The following ADCY5 variants were observed in gnomAD, a reference collection of about 807,000 sequenced individuals.
ADCY5 encodes adenylate cyclase 5, also known as adenylate cyclase type 5.
Under a neutral mutation model 119.7 loss-of-function variants are expected in ADCY5, and 30 were observed. That is an observed-to-expected ratio of 0.25 (90% confidence interval 0.19 to 0.34). The LOEUF is 0.34. Ranked by LOEUF, ADCY5 falls within the 10% of genes least tolerant of loss-of-function variation. The probability of loss-of-function intolerance (pLI) is 1.00; values close to 1 mark genes in which losing one functional copy is unlikely to be tolerated. For synonymous variants in ADCY5, 753 were observed against 762.2 expected (o/e 0.99, Z 0.20); for missense variants, 1,324 against 1,775.2 (o/e 0.75, Z 4.57).
At chr3:123,411,798 T>C (rs1276078757) in intron 1 of ADCY5, among the ~76,000 whole-genome samples, 1 of 152,142 alleles carries the variant, frequency 6.6e-6, no homozygotes, top group Non-Finnish European at 1.5e-5. Flanking sequence ...TGAGCTGACA[T>C]GTCAATACAG....
chr3:123,386,874 G>A (rs17295246), intron 1 of ADCY5, among the ~76,000 whole-genome samples: 28,526 of 152,068 alleles, frequency 0.19, 3,006 homozygotes, highest in Middle Eastern at 0.28. Flanking sequence ...TCTTAAGCCC[G>A]TCAGCGTGGA....
At chr3:123,362,787 C>T (rs1050019287) in intron 1 of ADCY5, among the ~76,000 whole-genome samples, 1 of 152,044 alleles carries the variant, frequency 6.6e-6, no homozygotes, top group Non-Finnish European at 1.5e-5. Flanking sequence ...AAAGAATATG[C>T]CAGAGGAAAT....
chr3:123,367,978 C>A, intron 1 of ADCY5: 1 of 1,524,082 alleles, frequency 6.6e-7, no homozygotes, highest in Non-Finnish European at 8.7e-7. Context: ...CAGCACTACA[C>A]AGGCTGCCCT....
chr3:123,322,857 C>T (rs1207332076), intron 8 of ADCY5, among the ~76,000 whole-genome samples: 1 of 152,200 alleles, frequency 6.6e-6, no homozygotes, highest in Non-Finnish European at 1.5e-5. Context: ...CTGACTCCGA[C>T]TTCAAACCTT....
intron 8 of ADCY5, among the ~76,000 whole-genome samples, chr3:123,322,855 G>A (rs910211718): frequency 2.0e-5 from 3 of 152,186 alleles, no homozygotes; most frequent in South Asian, 2.1e-4. Context: ...TGCTGACTCC[G>A]ACTTCAAACC....
chr3:123,340,693 T>G (rs1371477042), intron 3 of ADCY5, among the ~76,000 whole-genome samples: 1 of 152,120 alleles, frequency 6.6e-6, no homozygotes, highest in African/African-American at 2.4e-5. Flanking sequence ...TGTGGAGGAA[T>G]TCGAACCCTT....
At chr3:123,428,758 G>C (rs1327196882) in intron 1 of ADCY5, among the ~76,000 whole-genome samples, 1 of 152,160 alleles carries the variant, frequency 6.6e-6, no homozygotes, top group Non-Finnish European at 1.5e-5. Flanking sequence ...TTTGCGGGGG[G>C]TGCCTATTTG....
intron 19 of ADCY5, among the ~76,000 whole-genome samples, chr3:123,288,191 G>T (rs1045106605): frequency 6.6e-6 from 1 of 152,216 alleles, no homozygotes; most frequent in East Asian, 1.9e-4. Flanking sequence ...GGGAAAGCCC[G>T]ATTCCTGACA....
chr3:123,317,176 T>C (rs2108330359), intron 11 of ADCY5, among the ~76,000 whole-genome samples: 1 of 152,300 alleles, frequency 6.6e-6, no homozygotes, highest in South Asian at 2.1e-4. Flanking sequence ...GCCCACTGCA[T>C]ACTTCAAAGT....
Position 123,352,319 on chromosome 3 carries a change from G to T in ADCY5, c.1284+113C>A. 7.4e-7 allele frequency: 1 copy of T among 1,345,528 alleles called. No homozygotes were observed. The highest frequency in any genetic ancestry group is 9.9e-7 in the Non-Finnish European group (1 of 1,010,090). 83.3% of individuals were successfully genotyped at this position (1,345,528 alleles called of 1,614,324 possible). A position where few individuals can be genotyped will look rare whatever the true frequency, so the allele number is the denominator to read the frequency against. On this transcript the variant is annotated intron_variant, in intron 2 of 20. Transcript: ENST00000462833. This position sits in a 1 kb window ranked among gnomAD's most constrained non-coding sequence, Gnocchi z 4.8. The stretch of plus-strand genomic sequence containing the variant: ...CCCCATGGGTTGGTCCCCTCCCGGG[G>T]AGTGGGGCTGGCAGCCGTAATAAGC...
At chr3:123,319,648 C>A in intron 10 of ADCY5, 26 bp downstream of exon 10, 4 of 1,610,824 alleles carry the variant, frequency 2.5e-6, no homozygotes, top group Middle Eastern at 1.7e-4. Flanking sequence ...AGCACAGGGG[C>A]CTCCTTCCCA....
At position 123,444,316 on chromosome 3, in the gene ADCY5, A is replaced by C. The variant is rs550697468; in HGVS notation, c.1134+3096T>G. On this transcript the variant is annotated intron_variant, in intron 1 of 20. Coordinates refer to ENST00000462833, the MANE Select transcript of ADCY5 (RefSeq NM_183357.3). ...AGACAAGAGCACAGCAGAGGCTGAG[A>C]GGCCTCGAACAGGGAGGGAGAGATG... 5.3e-5 allele frequency among the ~76,000 whole-genome samples: 8 copies of C among 152,320 alleles called. 3 individuals carry two copies. The highest frequency in any genetic ancestry group is 1.9e-4 in the African/African-American group (8 of 41,566).
chr3:123,372,067 G>A (rs1370066127), intron 1 of ADCY5, among the ~76,000 whole-genome samples: 1 of 152,190 alleles, frequency 6.6e-6, no homozygotes, highest in Non-Finnish European at 1.5e-5. Flanking sequence ...GTGTTCCTCT[G>A]CACTTGCTGA....
Position 123,352,641 on chromosome 3 carries a change from T to C in ADCY5, c.1135-60A>G. ...TCCTGACCTTCCTGGCCCCAAAGCA[T>C]GAAGCCCTCAGCCCCTGTCTCAGCA... is the stretch of plus-strand genomic sequence containing the variant. On this transcript the variant is annotated intron_variant, in intron 1 of 20. Transcript: ENST00000462833. The surrounding 1 kb of genome is among the most constrained non-coding windows in gnomAD (Gnocchi z 4.8). 6.5e-7 allele frequency: 1 copy of C among 1,544,052 alleles called. No individual in the cohort carries two copies. Among genetic ancestry groups the C allele is most frequent in the South Asian group, 1.2e-5 (1 of 82,774 alleles).
chr3:123,366,437 A>G (rs1218558637), intron 1 of ADCY5, among the ~76,000 whole-genome samples: 3 of 152,218 alleles, frequency 2.0e-5, no homozygotes, highest in Admixed American at 1.3e-4. Flanking sequence ...CCGATTTCAG[A>G]TGGTACACCC....
At chr3:123,367,854 A>C in intron 1 of ADCY5, 2 of 1,521,426 alleles carry the variant, frequency 1.3e-6, no homozygotes, top group Non-Finnish European at 1.8e-6. Context: ...TCCAGAAGAA[A>C]AAAAAAAACA....
rs555736708 is a variant in ADCY5 at position 123,318,127 on chromosome 3, G to A, written c.2257-10C>T. 9.5e-5 allele frequency: 153 copies of A among 1,610,294 alleles called. No individual in the cohort carries two copies. Among genetic ancestry groups the A allele is most frequent in the Non-Finnish European group, 1.3e-4 (150 of 1,177,656 alleles). ...CTACCTGCTTGGAGTACTGAGAGGA[G>A]ACGGGCAGGGTGAGAGGGGCCAAGG... On this transcript the variant is annotated splice_polypyrimidine_tract_variant and intron_variant, in intron 10 of 20. Coordinates refer to ENST00000462833, the MANE Select transcript of ADCY5 (RefSeq NM_183357.3).
Position 123,447,519 on chromosome 3 carries a change from G to A in ADCY5, c.1027C>T (p.Leu343=). 6.2e-7 allele frequency: 1 copy of A among 1,611,286 alleles called. No individual in the cohort carries two copies. The highest frequency in any genetic ancestry group is 8.5e-7 in the Non-Finnish European group (1 of 1,179,664). ...ACTGCGGCCCGCATGCGCACGGGCA[G>A]CAGCGTGTAGATGGTGTAGATGAAG... ...VFFIYTIYTL[L]PVRMRAAVLS... is the part of the protein sequence containing the mutation. Residue 343 remains leucine (L), a synonymous_variant, in exon 1 of 21, where the codon CTG becomes TTG. Transcript: ENST00000462833.
intron 1 of ADCY5, among the ~76,000 whole-genome samples, chr3:123,369,327 T>C (rs1478299624): frequency 1.3e-5 from 2 of 152,224 alleles, no homozygotes; most frequent in Non-Finnish European, 2.9e-5. Context: ...CTCTATTCTT[T>C]ATAAGTTACC....
Sources: gnomAD v4.1 joint callset for allele counts (sites outside exome capture counted in the v4.1 genomes callset) on GRCh38, gnomAD v4.1.1 for gene constraint, Gnocchi (gnomAD v3.1) non-coding constraint, MANE v1.5 for transcripts, NCBI Gene and HGNC (gene_info 2026-07-23, HGNC 2026-07-21) for gene names.